Variants in FAM131B observed in about 807,000 individuals in gnomAD.
FAM131B encodes the protein family with sequence similarity 131 member B, also known as protein FAM131B.
In FAM131B, 19 loss-of-function variants were observed where a neutral mutation model predicts 42.0. That is an observed-to-expected ratio of 0.45 (90% CI 0.32 to 0.66). The LOEUF (loss-of-function observed/expected upper bound fraction) is 0.66, where lower values mean the gene tolerates loss of function less well. Ranked by LOEUF, FAM131B falls within the 30% of genes least tolerant of loss-of-function variation. The pLI is 0.05. For synonymous variants in FAM131B, 183 were observed against 177.6 expected (o/e 1.03, Z -0.24); for missense variants, 370 against 468.4 (o/e 0.79, Z 1.94).
Position 143,358,874 on chromosome 7 carries a change from G to C in FAM131B, c.419C>G (p.Ala140Gly). 6.2e-7 allele frequency: 1 copy of C among 1,614,108 alleles called. No homozygotes were observed. Among genetic ancestry groups the C allele is most frequent in the Non-Finnish European group, 8.5e-7 (1 of 1,180,010 alleles). The change falls in exon 5 of 7, where the codon GCC becomes GGC. Residue 140 changes from alanine (A) to glycine (G), a missense_variant. Physicochemically the swap from Ala to Gly is moderately conservative, Grantham distance 60 (BLOSUM62 0). Transcript: ENST00000443739. The surrounding 1 kb of genome is among the most constrained non-coding windows in gnomAD (Gnocchi z 4.7). ...SHESVRRDTD[A>G]YSDLSDGEKE... is the part of the protein sequence containing the mutation. The stretch of plus-strand genomic sequence containing the variant: ...CTCGCCATCGCTGAGGTCGGAGTAG[G>C]CATCCGTATCCCTGCGCACGGACTC...
chr7:143,358,402 A>G lies in FAM131B; in HGVS notation c.466+425T>C, dbSNP rs187244450. Among the ~76,000 whole-genome samples the G allele has an allele frequency of 6.6e-6, 1 of 152,276 alleles. No homozygotes were observed. Among genetic ancestry groups the G allele is most frequent in the East Asian group, 1.9e-4 (1 of 5,176 alleles). Reference sequence around the variant, plus strand: ...TCCCGTCTCTCACACAGTTCCCTTAATCTTCTAGTGGTTGTCACAAGTAAT... The same window carrying G: ...TCCCGTCTCTCACACAGTTCCCTTAGTCTTCTAGTGGTTGTCACAAGTAAT... On this transcript the variant is annotated intron_variant, in intron 5 of 6. Transcript: ENST00000443739. The surrounding 1 kb of genome is among the most constrained non-coding windows in gnomAD (Gnocchi z 4.7).
the FAM131B span, chr7:143,381,825 G>C: frequency 1.1e-4 from 159 of 1,464,778 alleles, no homozygotes; most frequent in East Asian, 3.6e-3. Flanking sequence ...GAGCCGGGGT[G>C]GGGGGCAGTC....
At chr7:143,379,337 C>T in the FAM131B span, among the ~76,000 whole-genome samples, 1 of 152,186 alleles carries the variant, frequency 6.6e-6, no homozygotes, top group Non-Finnish European at 1.5e-5. Context: ...TCTTCAGAGA[C>T]AGGCCCAGGG....
upstream of FAM131B, among the ~76,000 whole-genome samples, chr7:143,363,066 G>T (rs1804077616): frequency 6.6e-6 from 1 of 152,144 alleles, no homozygotes; most frequent in Non-Finnish European, 1.5e-5. Context: ...GCGGGCCGGG[G>T]TCAGGGGATG....
At chr7:143,370,260 G>T in the FAM131B span, among the ~76,000 whole-genome samples, 11 of 152,122 alleles carry the variant, frequency 7.2e-5, no homozygotes, top group African/African-American at 2.2e-4. Flanking sequence ...TGAAAGAGCT[G>T]CCGGCACTCA....
the FAM131B span, chr7:143,381,799 G>A: frequency 6.5e-7 from 1 of 1,526,930 alleles, no homozygotes; most frequent in African/African-American, 1.4e-5. Context: ...GGGGCTTGGG[G>A]AATGTACCCC....
At chr7:143,381,390 C>G in the FAM131B span, 4 of 1,185,388 alleles carry the variant, frequency 3.4e-6, no homozygotes, top group African/African-American at 6.4e-5. Context: ...CGAGACGCGG[C>G]GCGCACGCTC....
At chr7:143,380,968 G>C in the FAM131B span, 1 of 297,618 alleles carries the variant, frequency 3.4e-6, no homozygotes, top group Non-Finnish European at 5.0e-6. The surrounding 1 kb of genome is among the most constrained non-coding windows in gnomAD (Gnocchi z 5.0). Context: ...ACCTCCGCCG[G>C]CTAAGCCCGG....
chr7:143,373,936 G>A, the FAM131B span, among the ~76,000 whole-genome samples: 12 of 152,184 alleles, frequency 7.9e-5, no homozygotes, highest in African/African-American at 2.4e-4. Context: ...GAGGCCTGGG[G>A]AAGAGCAGAT....
rs147051872 is a variant in FAM131B at position 143,356,967 on chromosome 7, A to T, written c.666T>A (p.Gly222=). 415 of 1,613,964 alleles carry T rather than the reference A, an allele frequency of 2.6e-4. 3 individuals are homozygous for T. The African/African-American group carries it at 5.1e-3, about 20-fold the overall frequency. ...CATCTGACGACCCCAGACAGTACAT[A>T]CCCTGGGACACGTAAGAGTGAGGCC... is the stretch of plus-strand genomic sequence containing the variant. ...DGWPHSYVSQ[G]MYCLGSSDAW... is the part of the protein sequence containing the mutation. Residue 222 remains glycine, a synonymous_variant, in exon 7 of 7, where the codon GGT becomes GGA. Coordinates refer to ENST00000443739, the MANE Select transcript of FAM131B (RefSeq NM_001031690.3). The surrounding 1 kb of genome is among the most constrained non-coding windows in gnomAD (Gnocchi z 4.4).
chr7:143,381,225 C>T, the FAM131B span: 1 of 1,009,438 alleles, frequency 9.9e-7, no homozygotes, highest in Non-Finnish European at 1.2e-6. Flanking sequence ...TCCCCGCCCC[C>T]TCTCCGGGCC....
intron 1 of FAM131B, 102 bp from the exon 2 acceptor site, chr7:143,360,251 C>T (rs546470182): frequency 1.3e-6 from 2 of 1,526,416 alleles, no homozygotes; most frequent in East Asian, 4.9e-5. Context: ...CCCAGCTGCC[C>T]ATTTCCTCTT....
chr7:143,381,503 G>C, the FAM131B span: 7 of 1,526,406 alleles, frequency 4.6e-6, no homozygotes, highest in African/African-American at 9.8e-5. Flanking sequence ...AGCTGGGACC[G>C]CCTGGGGCTC....
chr7:143,360,263 T>C, intron 1 of FAM131B, 114 bp from the exon 2 acceptor site: 2 of 1,515,218 alleles, frequency 1.3e-6, no homozygotes, highest in South Asian at 1.3e-5. Context: ...TTTCCTCTTA[T>C]ATCCCTGCAC....
upstream of FAM131B, among the ~76,000 whole-genome samples, chr7:143,365,888 C>T (rs1488419982): frequency 3.3e-5 from 5 of 152,104 alleles, no homozygotes; most frequent in Non-Finnish European, 7.4e-5. Flanking sequence ...GGATTACAGG[C>T]GTGAGCCACC....
chr7:143,369,412 C>T, the FAM131B span, among the ~76,000 whole-genome samples: 2 of 152,256 alleles, frequency 1.3e-5, no homozygotes, highest in Admixed American at 1.3e-4. Flanking sequence ...CGGTGGCTCA[C>T]GCCTGTAATC....
chr7:143,380,268 A>G, the FAM131B span: 3 of 983,282 alleles, frequency 3.1e-6, no homozygotes, highest in East Asian at 3.4e-4. The surrounding 1 kb of genome is among the most constrained non-coding windows in gnomAD (Gnocchi z 5.0). Flanking sequence ...AGAATTACCC[A>G]GGTCTGGCTT....
Position 143,359,312 on chromosome 7 carries a change from A to G in FAM131B, c.268+14T>C. Reference sequence around the variant, plus strand: ...TTATTTTGTCTGAAGGCATTCTTACATCAGGAGTCTCACCTGAGAATGATG... The same window carrying G: ...TTATTTTGTCTGAAGGCATTCTTACGTCAGGAGTCTCACCTGAGAATGATG... On this transcript the variant is annotated intron_variant, in intron 4 of 6. Transcript: ENST00000443739. The surrounding 1 kb of genome is among the most constrained non-coding windows in gnomAD (Gnocchi z 5.4). The G allele has an allele frequency of 6.3e-7, 1 of 1,589,088 alleles. No individual in the cohort carries two copies. The highest frequency in any genetic ancestry group is 1.7e-4 in the Middle Eastern group (1 of 6,022).
In FAM131B at chr7:143,362,468, G is replaced by A. The variant is rs1804047651; in HGVS notation, c.28+108C>T. ...GAAAGTGAAGGAGCTAGCAGGGCAA[G>A]GCGGGTGCGGAGCGGGGCGCCCGGA... On this transcript the variant is annotated intron_variant, in intron 1 of 6. Transcript: ENST00000443739. The surrounding 1 kb of genome is among the most constrained non-coding windows in gnomAD (Gnocchi z 7.7). The A allele has an allele frequency of 7.3e-6, 3 of 410,518 alleles. No homozygotes were observed. In the Admixed American group the frequency reaches 1.4e-4, roughly 19 times the overall value. 25.4% of individuals were successfully genotyped at this position (410,518 alleles called of 1,614,324 possible).
Sources: gnomAD v4.1 joint callset for allele counts (sites outside exome capture counted in the v4.1 genomes callset) on GRCh38, gnomAD v4.1.1 for gene constraint, Gnocchi (gnomAD v3.1) non-coding constraint, MANE v1.5 for transcripts, NCBI Gene and HGNC (gene_info 2026-07-23, HGNC 2026-07-21) for gene names.